Variants in ARK2C observed in about 807,000 individuals in gnomAD.
The protein encoded by ARK2C is E3 ubiquitin-protein ligase ARK2C.
the ARK2C span, among the ~76,000 whole-genome samples, chr18:46,371,885 T>G: frequency 6.6e-6 from 1 of 152,204 alleles, no homozygotes; most frequent in Admixed American, 6.5e-5. Context: ...GACTTAGACA[T>G]AGGCTGGGAC....
chr18:46,400,983 G>A, the ARK2C span, among the ~76,000 whole-genome samples: 11 of 152,304 alleles, frequency 7.2e-5, no homozygotes, highest in African/African-American at 2.6e-4. Context: ...TGGAGGCAGA[G>A]ATGACCTCCC....
chr18:46,365,267 A>T, the ARK2C span, among the ~76,000 whole-genome samples: 6 of 152,052 alleles, frequency 3.9e-5, no homozygotes, highest in African/African-American at 1.4e-4. Flanking sequence ...TCAGAAACCC[A>T]CGCCCCCTGT....
chr18:46,334,670 C>T, the ARK2C span: 2 of 292,962 alleles, frequency 6.8e-6, no homozygotes, highest in Non-Finnish European at 1.2e-5. This position sits in a 1 kb window ranked among gnomAD's most constrained non-coding sequence, Gnocchi z 4.4. Flanking sequence ...AGATACATGA[C>T]CGTGTGTGTG....
chr18:46,372,012 T>C, the ARK2C span, among the ~76,000 whole-genome samples: 1 of 152,238 alleles, frequency 6.6e-6, no homozygotes, highest in South Asian at 2.1e-4. Flanking sequence ...TGTAGGGTCC[T>C]GGATGGGCCA....
the ARK2C span, among the ~76,000 whole-genome samples, chr18:46,453,778 A>G: frequency 6.6e-6 from 1 of 152,090 alleles, no homozygotes; most frequent in Non-Finnish European, 1.5e-5. Context: ...TGCAAAGAAT[A>G]AAAACTAGAA....
the ARK2C span, among the ~76,000 whole-genome samples, chr18:46,440,050 G>C: frequency 7.0e-4 from 106 of 152,174 alleles, no homozygotes; most frequent in African/African-American, 2.5e-3. Flanking sequence ...GGATGGTCTC[G>C]ATCTCTTGAC....
chr18:46,344,779 AC>A, the ARK2C span, among the ~76,000 whole-genome samples: 1 of 152,206 alleles, frequency 6.6e-6, no homozygotes, highest in Non-Finnish European at 1.5e-5. Flanking sequence ...GGCCCAAAGA[AC>A]TGGTCCTCGC....
At chr18:46,434,494 GCTT>G in the ARK2C span, among the ~76,000 whole-genome samples, 5 of 152,168 alleles carry the variant, frequency 3.3e-5, no homozygotes, top group Non-Finnish European at 4.4e-5. Flanking sequence ...TCTTATGTCT[GCTT>G]CTGCATTCAT....
At chr18:46,420,987 C>T in the ARK2C span, among the ~76,000 whole-genome samples, 2 of 151,898 alleles carry the variant, frequency 1.3e-5, no homozygotes, top group Non-Finnish European at 2.9e-5. Flanking sequence ...TTTGCAAAAG[C>T]CACCCAATGC....
At chr18:46,440,844 T>G in the ARK2C span, among the ~76,000 whole-genome samples, 1 of 152,126 alleles carries the variant, frequency 6.6e-6, no homozygotes, top group African/African-American at 2.4e-5. Context: ...TGTTCATGAG[T>G]AATATTGGTT....
At chr18:46,334,389 C>A in the ARK2C span, 1 of 1,514,340 alleles carries the variant, frequency 6.6e-7, no homozygotes, top group Admixed American at 1.9e-5. This position sits in a 1 kb window ranked among gnomAD's most constrained non-coding sequence, Gnocchi z 4.4. Context: ...CCGCAGGCAC[C>A]GGGGCGGGGG....
At chr18:46,433,539 G>C in the ARK2C span, 2 of 1,553,388 alleles carry the variant, frequency 1.3e-6, no homozygotes, top group African/African-American at 1.4e-5. Flanking sequence ...TGGGGACCCG[G>C]ATGGGGTCGG....
chr18:46,457,716 T>G, the ARK2C span: 4 of 152,630 alleles, frequency 2.6e-5, no homozygotes, highest in Non-Finnish European at 4.4e-5. Flanking sequence ...AGCCACTGCC[T>G]CCCTATGCAA....
the ARK2C span, among the ~76,000 whole-genome samples, chr18:46,382,138 C>G: frequency 6.6e-6 from 1 of 152,202 alleles, no homozygotes; most frequent in African/African-American, 2.4e-5. Flanking sequence ...ATGAGGGTTT[C>G]AAACATGGCA....
chr18:46,400,934 G>A, the ARK2C span, among the ~76,000 whole-genome samples: 1 of 152,160 alleles, frequency 6.6e-6, no homozygotes, highest in Non-Finnish European at 1.5e-5. Context: ...TGGGCAGGTG[G>A]AAGTGGTGGG....
the ARK2C span, among the ~76,000 whole-genome samples, chr18:46,427,021 G>T: frequency 2.6e-5 from 4 of 152,230 alleles, no homozygotes; most frequent in Non-Finnish European, 5.9e-5. Context: ...AAACAGAGCA[G>T]CTGCTGCCTG....
the ARK2C span, among the ~76,000 whole-genome samples, chr18:46,372,782 C>T: frequency 1.3e-5 from 2 of 152,252 alleles, no homozygotes; most frequent in Non-Finnish European, 2.9e-5. Context: ...CTGTGCATTT[C>T]GAGAGCGCCA....
At chr18:46,462,979 A>G in the ARK2C span, 1 of 152,258 alleles carries the variant, frequency 6.6e-6, no homozygotes, top group African/African-American at 2.4e-5. Context: ...AGACTATTTT[A>G]TAGCAGAAAG....
At chr18:46,403,398 C>T in the ARK2C span, among the ~76,000 whole-genome samples, 1 of 152,216 alleles carries the variant, frequency 6.6e-6, no homozygotes, top group African/African-American at 2.4e-5. Flanking sequence ...TGCCCCCCGT[C>T]TCCCTCTAGG....
Sources: gnomAD v4.1 joint callset for allele counts (sites outside exome capture counted in the v4.1 genomes callset) on GRCh38, gnomAD v4.1.1 for gene constraint, Gnocchi (gnomAD v3.1) non-coding constraint, MANE v1.5 for transcripts, NCBI Gene and HGNC (gene_info 2026-07-23, HGNC 2026-07-21) for gene names.